COL19A1: variants seen among roughly 807,000 people sequenced by gnomAD.
The protein encoded by COL19A1 is collagen type XIX alpha 1 chain, also known as collagen alpha-1(XIX) chain.
Under a neutral mutation model 190.2 loss-of-function variants are expected in COL19A1, and 159 were observed. The ratio of observed to expected loss-of-function variants is 0.84; its 90% CI spans 0.73 to 0.95. The LOEUF (loss-of-function observed/expected upper bound fraction) is 0.95. COL19A1 is among the 40% of genes least tolerant of loss of function. The pLI is 0.00. For missense variants in COL19A1, 1,418 were observed against 1,431.9 expected, an observed-to-expected ratio of 0.99 and a Z score of 0.16; for synonymous variants, 509 against 458.9, an observed-to-expected ratio of 1.11 and a Z score of -1.39.
At chr6:69,950,674 C>CCACACACACACA (rs56757599) in intron 9 of COL19A1, among the ~76,000 whole-genome samples, 2 of 136,140 alleles carry the variant, frequency 1.5e-5, no homozygotes, top group South Asian at 2.5e-4. Flanking sequence ...ATGAATGCAG[C>CCACACACACACA]CACACACACA....
intron 42 of COL19A1, among the ~76,000 whole-genome samples, chr6:70,179,630 A>G (rs1171276362): frequency 6.6e-6 from 1 of 152,224 alleles, no homozygotes; most frequent in African/African-American, 2.4e-5. Flanking sequence ...CTAGAAAAAA[A>G]CTTATTTGAT....
At chr6:70,039,458 C>T (rs75697330) in intron 14 of COL19A1, among the ~76,000 whole-genome samples, 1,698 of 152,250 alleles carry the variant, frequency 0.011, 19 homozygotes, top group African/African-American at 0.039. Flanking sequence ...ACGTCCATCT[C>T]CACATTTACA....
In COL19A1 at chr6:70,209,146, C is replaced by T. The variant is rs1401887071; in HGVS notation, c.*1872C>T. 2 of 152,082 alleles carry T rather than the reference C, an allele frequency of 1.3e-5. No individual in the cohort carries two copies. The highest frequency in any genetic ancestry group is 2.4e-5 in the African/African-American group (1 of 41,280). 9.4% of individuals were successfully genotyped at this position (152,082 alleles called of 1,614,324 possible). A position where few individuals can be genotyped will look rare whatever the true frequency, so the allele number is the denominator to read the frequency against. On this transcript the variant is annotated 3_prime_UTR_variant, in exon 51 of 51. Coordinates refer to ENST00000620364, the MANE Select transcript of COL19A1 (RefSeq NM_001858.6). ...TTCTTAGTAAAATGGTAATTTATCC[C>T]GAAAAAGTGTACATAGATCTAAAAT...
At chr6:70,144,778 G>A in intron 24 of COL19A1, 140 bp from the exon 25 acceptor site, 1 of 664,252 alleles carries the variant, frequency 1.5e-6, no homozygotes, top group Non-Finnish European at 2.7e-6. Context: ...TGAGTGAGTT[G>A]GTGAGTGAGT....
chr6:70,078,457 C>T (rs1220248154), intron 15 of COL19A1, among the ~76,000 whole-genome samples: 3 of 152,216 alleles, frequency 2.0e-5, no homozygotes, highest in Non-Finnish European at 4.4e-5. Context: ...TCACAAGACA[C>T]TCTGGAGCAC....
chr6:69,909,057 CT>C (rs1427176249), intron 4 of COL19A1, among the ~76,000 whole-genome samples: 1 of 152,052 alleles, frequency 6.6e-6, no homozygotes, highest in Non-Finnish European at 1.5e-5. Context: ...AATAATGTCA[CT>C]ATTATTGCCT....
rs528209323 is a variant in COL19A1, at chr6:70,044,467, A to G, written c.1170+8528A>G. 5.9e-5 allele frequency among the ~76,000 whole-genome samples: 9 copies of G among 152,308 alleles called. No homozygotes were observed. The South Asian group carries it at 1.9e-3, about 32-fold the overall frequency. Reference sequence around the variant, plus strand: ...TAGCTTTTGGTGTATCTCAGCTTTCAGTACACTTTCCTCACTAAGTTTAAT... The same window carrying G: ...TAGCTTTTGGTGTATCTCAGCTTTCGGTACACTTTCCTCACTAAGTTTAAT... On this transcript the variant is annotated intron_variant, in intron 14 of 50. Transcript: ENST00000620364.
intron 14 of COL19A1, among the ~76,000 whole-genome samples, chr6:70,044,254 T>C (rs892884932): frequency 6.6e-6 from 1 of 152,246 alleles, no homozygotes; most frequent in Non-Finnish European, 1.5e-5. Context: ...TTGGGTCTTT[T>C]ATCCAGATCT....
At chr6:70,181,947 G>A (rs9454995) in intron 44 of COL19A1, among the ~76,000 whole-genome samples, 42,168 of 152,046 alleles carry the variant, frequency 0.28, 5,943 homozygotes, top group East Asian at 0.32. Flanking sequence ...GGAGGGAGAT[G>A]TAGGCAGTGG....
At chr6:69,914,792 TA>T in intron 4 of COL19A1, among the ~76,000 whole-genome samples, 1 of 152,350 alleles carries the variant, frequency 6.6e-6, no homozygotes, top group South Asian at 2.1e-4. Flanking sequence ...TTAAACTTTT[TA>T]AACACTTTGC....
chr6:69,973,820 G>T (rs1775565401), intron 11 of COL19A1: 1 of 152,156 alleles, frequency 6.6e-6, no homozygotes, highest in South Asian at 2.1e-4. Context: ...TACATGACAG[G>T]TGTGTTATTT....
chr6:70,197,012 A>G (rs906500787), intron 48 of COL19A1, among the ~76,000 whole-genome samples: 1 of 152,212 alleles, frequency 6.6e-6, no homozygotes, highest in African/African-American at 2.4e-5. Context: ...TGCTAAAAAT[A>G]TTAAAAACCA....
chr6:69,937,307 T>C (rs1773173694), intron 8 of COL19A1, among the ~76,000 whole-genome samples: 1 of 152,158 alleles, frequency 6.6e-6, no homozygotes, highest in Non-Finnish European at 1.5e-5. Flanking sequence ...TCTTTTTCTG[T>C]ATAGACTGTG....
At chr6:69,998,503 G>A (rs541518351) in intron 11 of COL19A1, among the ~76,000 whole-genome samples, 32 of 151,724 alleles carry the variant, frequency 2.1e-4, no homozygotes, top group Middle Eastern at 6.8e-3. Flanking sequence ...AAAACTAACC[G>A]AGCATGATGG....
chr6:70,053,261 T>C (rs756991654), intron 14 of COL19A1, among the ~76,000 whole-genome samples: 11 of 152,216 alleles, frequency 7.2e-5, no homozygotes, highest in Non-Finnish European at 1.5e-4. Context: ...CAAGGACTTT[T>C]TTAGAAACTT....
At chr6:70,051,740 C>T (rs937834470) in intron 14 of COL19A1, among the ~76,000 whole-genome samples, 1 of 152,074 alleles carries the variant, frequency 6.6e-6, no homozygotes, top group African/African-American at 2.4e-5. Flanking sequence ...TCAACAATAC[C>T]ATTTTTCATT....
At chr6:70,111,995 T>C (rs1271660714) in intron 16 of COL19A1, among the ~76,000 whole-genome samples, 1 of 152,194 alleles carries the variant, frequency 6.6e-6, no homozygotes, top group African/African-American at 2.4e-5. Flanking sequence ...CCTTGAAACT[T>C]GCATTTTCTT....
chr6:69,900,272 G>C lies in COL19A1; in HGVS notation c.200G>C (p.Arg67Pro). 1 of 1,595,736 alleles carries C rather than the reference G, an allele frequency of 6.3e-7. No individual in the cohort carries two copies. Among genetic ancestry groups the C allele is most frequent in the East Asian group, 2.3e-5 (1 of 44,040 alleles). Residue 67 changes from arginine to proline, a missense_variant, in exon 4 of 51, where the codon CGT becomes CCT. Coordinates refer to ENST00000620364, the MANE Select transcript of COL19A1 (RefSeq NM_001858.6). ...CTAGGAGACAGCTTTTCTCTAAGAC[G>C]TGCATTTTGTGAAAGTGATAAAACC... is the stretch of plus-strand genomic sequence containing the variant. ...FDLGDSFSLR[R>P]AFCESDKTCF...
intron 14 of COL19A1, among the ~76,000 whole-genome samples, chr6:70,039,066 A>G (rs2150121210): frequency 6.6e-6 from 1 of 152,248 alleles, no homozygotes; most frequent in Non-Finnish European, 1.5e-5. Context: ...GAAAAAAAAA[A>G]AAAGATTAAT....
Sources: allele counts gnomAD v4.1 joint callset (sites outside exome capture counted in the v4.1 genomes callset), GRCh38; gene constraint gnomAD v4.1.1; transcripts MANE v1.5; gene names NCBI Gene and HGNC (gene_info 2026-07-23, HGNC 2026-07-21).